The following PDE1C variants were observed in gnomAD, a reference collection of about 807,000 sequenced individuals.
PDE1C encodes the protein phosphodiesterase 1C.
Under a neutral mutation model 93.1 loss-of-function variants are expected in PDE1C, and 62 were observed. The ratio of observed to expected loss-of-function variants is 0.67; its 90% confidence interval spans 0.54 to 0.82. The LOEUF is 0.82. Ranked by LOEUF, PDE1C falls within the 40% of genes least tolerant of loss-of-function variation. The pLI, the probability that PDE1C is intolerant of heterozygous loss-of-function variation, is 0.00. For missense variants in PDE1C, 742 were observed against 884.6 expected, an observed-to-expected ratio of 0.84 and a Z score of 2.04; for synonymous variants, 325 against 310.1, an observed-to-expected ratio of 1.05 and a Z score of -0.50.
At chr7:31,782,109 G>T (rs62457310) in intron 16 of PDE1C, among the ~76,000 whole-genome samples, 1 of 152,112 alleles carries the variant, frequency 6.6e-6, no homozygotes, top group East Asian at 1.9e-4. Context: ...AAATAAAAGC[G>T]TATAAGTTAA....
chr7:32,048,262 T>C (rs1043217293), intron 2 of PDE1C, among the ~76,000 whole-genome samples: 1 of 152,186 alleles, frequency 6.6e-6, no homozygotes, highest in Non-Finnish European at 1.5e-5. Flanking sequence ...ATTTAGTCTA[T>C]GGTCCATTCT....
intron 1 of PDE1C, among the ~76,000 whole-genome samples, chr7:32,273,574 G>C (rs189595115): frequency 5.3e-5 from 8 of 152,190 alleles, no homozygotes; most frequent in Non-Finnish European, 1.2e-4. Flanking sequence ...GTTTGTTAGG[G>C]AGACAGTATT....
At chr7:31,799,095 G>A (rs533944477) in intron 16 of PDE1C, among the ~76,000 whole-genome samples, 7 of 151,786 alleles carry the variant, frequency 4.6e-5, no homozygotes, top group East Asian at 2.0e-4. Context: ...CTCAGGGTCC[G>A]TATAACCAGT....
chr7:31,921,859 A>G (rs1384634425), intron 2 of PDE1C, among the ~76,000 whole-genome samples: 1 of 152,188 alleles, frequency 6.6e-6, no homozygotes, highest in Non-Finnish European at 1.5e-5. Flanking sequence ...AAACATAATT[A>G]TTTGCAGAAC....
intron 16 of PDE1C, chr7:31,789,791 C>A (rs1784376107): frequency 2.0e-6 from 2 of 989,050 alleles, no homozygotes; most frequent in African/African-American, 1.7e-5. Flanking sequence ...GTAGCCAGTG[C>A]AAAAATGACA....
chr7:32,132,165 G>A (rs980554750), intron 3 of PDE1C, among the ~76,000 whole-genome samples: 6 of 152,152 alleles, frequency 3.9e-5, no homozygotes, highest in Non-Finnish European at 5.9e-5. Flanking sequence ...GCTTTGAGCA[G>A]AAGGAAGCTT....
At chr7:31,772,574 A>T (rs1562767323) in intron 17 of PDE1C, among the ~76,000 whole-genome samples, 1 of 148,974 alleles carries the variant, frequency 6.7e-6, no homozygotes, top group East Asian at 2.0e-4. Context: ...TAAAAGATAT[A>T]TTTTTTTATT....
At chr7:31,666,293 G>A in the PDE1C span, among the ~76,000 whole-genome samples, 1 of 152,102 alleles carries the variant, frequency 6.6e-6, no homozygotes. Flanking sequence ...AAATTAACCG[G>A]TCTTTTGTAA....
At chr7:32,036,529 C>G (rs925916294) in intron 2 of PDE1C, among the ~76,000 whole-genome samples, 1 of 151,978 alleles carries the variant, frequency 6.6e-6, no homozygotes, top group Admixed American at 6.6e-5. Flanking sequence ...TTAACAAGGA[C>G]AGAAGATTTT....
intron 1 of PDE1C, among the ~76,000 whole-genome samples, chr7:32,069,198 A>T (rs554251262): frequency 6.6e-6 from 1 of 152,320 alleles, no homozygotes; most frequent in Admixed American, 6.5e-5. Flanking sequence ...ATACTACCTT[A>T]ATGCTTCTCC....
At chr7:32,027,417 G>T (rs573260757) in intron 2 of PDE1C, among the ~76,000 whole-genome samples, 1 of 151,918 alleles carries the variant, frequency 6.6e-6, no homozygotes, top group South Asian at 2.1e-4. Context: ...AAACTTAATG[G>T]TGTATTGTGT....
At chr7:31,639,551 T>G in the PDE1C span, among the ~76,000 whole-genome samples, 1 of 150,498 alleles carries the variant, frequency 6.6e-6, no homozygotes, top group Non-Finnish European at 1.5e-5. Context: ...TTTTTTTTTT[T>G]TTTGAGATGG....
At chr7:32,142,797 T>C (rs754304684) in intron 3 of PDE1C, among the ~76,000 whole-genome samples, 3 of 152,108 alleles carry the variant, frequency 2.0e-5, no homozygotes, top group Non-Finnish European at 4.4e-5. Flanking sequence ...CTGCATAAGA[T>C]GGTGGATGAG....
At chr7:32,347,599 G>A (rs1335070196) in intron 1 of PDE1C, among the ~76,000 whole-genome samples, 5 of 152,290 alleles carry the variant, frequency 3.3e-5, no homozygotes, top group South Asian at 2.1e-4. Flanking sequence ...TTAATAAAGC[G>A]AGGGCCCTCC....
chr7:32,118,373 G>A (rs563383397), intron 3 of PDE1C, among the ~76,000 whole-genome samples: 1 of 152,158 alleles, frequency 6.6e-6, no homozygotes, highest in African/African-American at 2.4e-5. Flanking sequence ...ATTCAGTAGA[G>A]AGGAAAAAGC....
chr7:31,772,272 G>A (rs1034385823), intron 17 of PDE1C, among the ~76,000 whole-genome samples: 4 of 152,090 alleles, frequency 2.6e-5, no homozygotes, highest in Admixed American at 2.6e-4. Context: ...CATCTCTCTA[G>A]GCCAACAGCT....
At position 32,327,766 on chromosome 7, in the gene PDE1C, T is replaced by C. The variant is rs1326546834; in HGVS notation, c.310+100056A>G. Among the ~76,000 whole-genome samples the C allele has an allele frequency of 1.1e-4, 5 of 44,460 alleles. 1 individual carries two copies. The highest frequency in any genetic ancestry group is 2.5e-4 in the Non-Finnish European group (5 of 20,374). 29.2% of individuals were successfully genotyped at this position (44,460 alleles called of 152,430 possible). ...GCCTGGGCAACAGCGCTAGACTCTG[T>C]CTCAAAAAAAAAAAAAAAAAAAAAG... On this transcript the variant is annotated intron_variant, in intron 1 of 1. Transcript: ENST00000672256.
the PDE1C span, among the ~76,000 whole-genome samples, chr7:31,736,035 AT>A: frequency 2.0e-5 from 3 of 152,218 alleles, no homozygotes; most frequent in Non-Finnish European, 2.9e-5. Flanking sequence ...CTGTGTGCAA[AT>A]TTTTTTGTGG....
chr7:32,049,985 G>C (rs369585360), intron 2 of PDE1C, among the ~76,000 whole-genome samples: 12 of 152,086 alleles, frequency 7.9e-5, no homozygotes, highest in African/African-American at 2.2e-4. Flanking sequence ...CTAGGCTGTT[G>C]GTATAGCCTA....
Sources: allele counts gnomAD v4.1 joint callset (sites outside exome capture counted in the v4.1 genomes callset), GRCh38; gene constraint gnomAD v4.1.1; transcripts MANE v1.5; gene names NCBI Gene and HGNC (gene_info 2026-07-23, HGNC 2026-07-21).